Variants in COLEC10 observed in about 807,000 individuals in gnomAD.
COLEC10 encodes the protein collectin subfamily member 10.
A neutral mutation model predicts 28.4 loss-of-function variants in COLEC10; 22 were observed. The observed-to-expected ratio is 0.78, with a 90% CI of 0.55 to 1.11. The LOEUF (loss-of-function observed/expected upper bound fraction) is 1.11, where lower values mean the gene tolerates loss of function less well. Ranked by LOEUF, COLEC10 falls within the 50% of genes least tolerant of loss-of-function variation. The probability of loss-of-function intolerance (pLI) is 0.00; values close to 1 mark genes in which losing one functional copy is unlikely to be tolerated. For synonymous variants in COLEC10, 125 were observed against 116.1 expected (o/e 1.08, Z -0.49); for missense variants, 361 against 344.1 (o/e 1.05, Z -0.39).
chr8:118,971,863 C>T, the COLEC10 span, among the ~76,000 whole-genome samples: 1,100 of 152,026 alleles, frequency 7.2e-3, 10 homozygotes, highest in African/African-American at 0.025. Flanking sequence ...TCCCAGTTTG[C>T]TTAAACTGTT....
At chr8:119,010,032 C>T (rs146936534) in intron 2 of COLEC10, among the ~76,000 whole-genome samples, 1,563 of 150,738 alleles carry the variant, frequency 0.01, 115 homozygotes, top group African/African-American at 0.035. Context: ...ACCCAAAGTC[C>T]GTAGTTTATA....
At chr8:119,037,067 C>T (rs569884962) in intron 2 of COLEC10, among the ~76,000 whole-genome samples, 2 of 152,228 alleles carry the variant, frequency 1.3e-5, no homozygotes, top group African/African-American at 4.8e-5. Flanking sequence ...GTGTGAAGAG[C>T]AGAGCTGAAG....
At chr8:118,976,348 G>A in the COLEC10 span, among the ~76,000 whole-genome samples, 2 of 152,120 alleles carry the variant, frequency 1.3e-5, no homozygotes, top group South Asian at 4.1e-4. Context: ...ACTTAGTTGG[G>A]TTGACATATG....
chr8:119,016,765 G>T lies in COLEC10; in HGVS notation n.235+7212G>T, dbSNP rs552967331. Among the ~76,000 whole-genome samples the T allele has an allele frequency of 8.8e-4, 134 of 152,228 alleles. 1 individual carries two copies. The highest frequency in any genetic ancestry group is 3.2e-3 in the African/African-American group (131 of 41,546). On this transcript the variant is annotated intron_variant and non_coding_transcript_variant, in intron 2 of 6. Transcript: ENST00000521788. ...CAGAGTCTTGCTCTGTCACCAGGCTGGAGTGCAGTGGCACAATCTCAGCTC... is the reference window on the plus strand; with the variant it reads ...CAGAGTCTTGCTCTGTCACCAGGCTTGAGTGCAGTGGCACAATCTCAGCTC...
chr8:119,035,253 G>A (rs1814366315), intron 2 of COLEC10, among the ~76,000 whole-genome samples: 1 of 152,122 alleles, frequency 6.6e-6, no homozygotes, highest in Admixed American at 6.5e-5. Context: ...CTTTATACGT[G>A]CATCAGCCAT....
upstream of COLEC10, among the ~76,000 whole-genome samples, chr8:118,992,003 T>C (rs531764977): frequency 1.3e-5 from 2 of 152,226 alleles, no homozygotes; most frequent in Admixed American, 1.3e-4. Context: ...GACAGCATGA[T>C]TTTAAAGCTA....
At chr8:119,086,155 A>C (rs927717006) in intron 1 of COLEC10, among the ~76,000 whole-genome samples, 1 of 152,220 alleles carries the variant, frequency 6.6e-6, no homozygotes, top group African/African-American at 2.4e-5. Context: ...AGTCCTATCT[A>C]AGAAAATGCG....
At chr8:119,070,496 CCT>C (rs1193294773) in intron 1 of COLEC10, among the ~76,000 whole-genome samples, 5 of 73,710 alleles carry the variant, frequency 6.8e-5, no homozygotes, top group African/African-American at 1.2e-4. Context: ...TCCTTCCCTC[CCT>C]CTCTCTCTCT....
intron 2 of COLEC10, among the ~76,000 whole-genome samples, chr8:119,038,339 A>G (rs1814429021): frequency 6.6e-6 from 1 of 152,256 alleles, no homozygotes; most frequent in Non-Finnish European, 1.5e-5. Context: ...GCTTTAGCCC[A>G]TTCCCTTAAG....
the COLEC10 span, among the ~76,000 whole-genome samples, chr8:118,987,746 G>A: frequency 3.9e-5 from 6 of 152,114 alleles, no homozygotes; most frequent in South Asian, 2.1e-4. Context: ...CCTGGACTTA[G>A]GATATTTGTT....
intron 1 of COLEC10, among the ~76,000 whole-genome samples, chr8:119,076,301 G>T (rs1481469165): frequency 9.7e-5 from 14 of 143,822 alleles, no homozygotes; most frequent in Middle Eastern, 4.1e-3. Flanking sequence ...TGCTCTTGTT[G>T]CCCAGGCTGG....
intron 1 of COLEC10, among the ~76,000 whole-genome samples, chr8:118,999,428 T>C (rs751822170): frequency 1.2e-4 from 19 of 152,012 alleles, no homozygotes; most frequent in Middle Eastern, 3.4e-3. Context: ...CCATCTCTAC[T>C]GAAAATACAA....
chr8:119,058,619 G>A (rs1814802343), intron 2 of COLEC10, among the ~76,000 whole-genome samples: 1 of 151,954 alleles, frequency 6.6e-6, no homozygotes, highest in African/African-American at 2.4e-5. Flanking sequence ...TTTTATCGTT[G>A]AATAGCATTC....
the COLEC10 span, among the ~76,000 whole-genome samples, chr8:118,969,023 G>C: frequency 6.6e-6 from 1 of 152,026 alleles, no homozygotes; most frequent in Non-Finnish European, 1.5e-5. Flanking sequence ...TAAGGATCTT[G>C]AGTTAGAGGC....
intron 1 of COLEC10, chr8:119,068,512 G>A (rs574495508): frequency 5.9e-5 from 9 of 152,272 alleles, no homozygotes; most frequent in African/African-American, 1.2e-4. Context: ...GCTTAAAACC[G>A]TTACTGAAGT....
the COLEC10 span, among the ~76,000 whole-genome samples, chr8:118,981,249 A>G: frequency 6.6e-6 from 1 of 152,126 alleles, no homozygotes; most frequent in Admixed American, 6.6e-5. Context: ...AACAAACAAG[A>G]AAACAAACAC....
chr8:118,957,376 T>A, the COLEC10 span, among the ~76,000 whole-genome samples: 1 of 152,192 alleles, frequency 6.6e-6, no homozygotes, highest in Non-Finnish European at 1.5e-5. Flanking sequence ...GAAGGCCTAC[T>A]TTAGCTGAGC....
rs1587000562 is a variant in COLEC10 at position 119,017,912 on chromosome 8, C to T, written n.235+8359C>T. Among the ~76,000 whole-genome samples the T allele has an allele frequency of 2.0e-5, 3 of 152,126 alleles. No individual in the cohort carries two copies. The South Asian group carries it at 6.2e-4, about 31-fold the overall frequency. ...AAGTCTGAGAATTCTGTGAAAGCCA[C>T]CTTGAGGGAGGGCAAAACTTGGCAT... is the stretch of plus-strand genomic sequence containing the variant. On this transcript the variant is annotated intron_variant and non_coding_transcript_variant, in intron 2 of 6. Transcript: ENST00000521788.
chr8:119,097,442 T>C (rs553321837), intron 3 of COLEC10, among the ~76,000 whole-genome samples: 4 of 152,224 alleles, frequency 2.6e-5, no homozygotes, highest in Non-Finnish European at 5.9e-5. Context: ...AAAAGCACTT[T>C]CAAGGCACAA....
Sources: gnomAD v4.1 joint callset for allele counts (sites outside exome capture counted in the v4.1 genomes callset) on GRCh38, gnomAD v4.1.1 for gene constraint, MANE v1.5 for transcripts, NCBI Gene and HGNC (gene_info 2026-07-23, HGNC 2026-07-21) for gene names.